Variants in CHL1 observed in about 807,000 individuals in gnomAD.
CHL1 encodes the protein neural cell adhesion molecule L1-like protein.
CHL1 carries 96 observed loss-of-function variants against 141.9 expected under a neutral mutation model. The observed-to-expected ratio is 0.68, with a 90% CI of 0.57 to 0.80. CHL1 has a LOEUF of 0.80. Among genes scored for constraint, CHL1 ranks in the 30% least tolerant of loss-of-function variants. The pLI is 0.00. For synonymous variants in CHL1, 613 were observed against 502.2 expected, an observed-to-expected ratio of 1.22 and a Z score of -2.95; for missense variants, 1,820 against 1,457.2, an observed-to-expected ratio of 1.25 and a Z score of -4.05.
intron 11 of CHL1, among the ~76,000 whole-genome samples, chr3:355,579 G>A (rs976587683): frequency 6.6e-6 from 1 of 152,190 alleles, no homozygotes. Context: ...TACGATAGTG[G>A]CTTCCATTTG....
intron 26 of CHL1, among the ~76,000 whole-genome samples, chr3:399,695 C>T (rs1488865726): frequency 6.6e-6 from 1 of 152,062 alleles, no homozygotes; most frequent in African/African-American, 2.4e-5. Context: ...CACTTCCAAG[C>T]TTCTATTGTC....
intron 1 of CHL1, among the ~76,000 whole-genome samples, chr3:205,029 A>G (rs1301125784): frequency 6.6e-6 from 1 of 152,052 alleles, no homozygotes; most frequent in Non-Finnish European, 1.5e-5. Flanking sequence ...CATCTTAGAT[A>G]TCCTAATTTG....
chr3:204,072 A>G (rs7619645), intron 1 of CHL1, among the ~76,000 whole-genome samples: 144,154 of 152,322 alleles, frequency 0.95, 68,558 homozygotes, highest in East Asian at 1. Flanking sequence ...CGAAGTGGGC[A>G]TGCTCATATT....
intron 15 of CHL1, among the ~76,000 whole-genome samples, chr3:368,384 T>C (rs918867776): frequency 3.3e-5 from 5 of 152,144 alleles, no homozygotes; most frequent in Admixed American, 2.6e-4. Context: ...TTGTTGGCCA[T>C]GTAAATGTCT....
intron 5 of CHL1, among the ~76,000 whole-genome samples, chr3:331,411 A>T (rs1284897470): frequency 1.3e-5 from 2 of 151,632 alleles, no homozygotes; most frequent in Non-Finnish European, 2.9e-5. Context: ...TTTTATTTTT[A>T]TTTTTATTTT....
intron 5 of CHL1, among the ~76,000 whole-genome samples, chr3:339,377 CT>C (rs1702186753): frequency 6.6e-6 from 1 of 152,180 alleles, no homozygotes; most frequent in Non-Finnish European, 1.5e-5. Flanking sequence ...ACTAAACATA[CT>C]TTCCCGACTT....
rs531627996 is a variant in CHL1 at position 366,186 on chromosome 3, C to G, written c.1751+71C>G. The stretch of plus-strand genomic sequence containing the variant: ...CAACTTGCATTTGATTTAAAAAGTT[C>G]TAGGTCGGGCATGCTGACTCACGCT... On this transcript the variant is annotated intron_variant, in intron 15 of 27. Coordinates refer to ENST00000256509, the MANE Select transcript of CHL1 (RefSeq NM_006614.4). 1.6e-5 allele frequency: 23 copies of G among 1,461,550 alleles called. No homozygotes were observed. The African/African-American group carries it at 3.0e-4, about 19-fold the overall frequency. The allele number at this position is 1,461,550 out of a possible 1,614,324, so 90.5% of individuals were successfully genotyped here.
At chr3:227,330 C>T (rs531590157) in intron 1 of CHL1, among the ~76,000 whole-genome samples, 6 of 152,150 alleles carry the variant, frequency 3.9e-5, no homozygotes, top group Non-Finnish European at 8.8e-5. Context: ...GTCTAGAATA[C>T]AAATACACCT....
chr3:401,227 A>G (rs1709100788), intron 26 of CHL1, among the ~76,000 whole-genome samples: 1 of 152,216 alleles, frequency 6.6e-6, no homozygotes, highest in Admixed American at 6.5e-5. Flanking sequence ...AATTCAATTT[A>G]GTTTAATGAC....
chr3:396,979 C>G (rs568936274), intron 24 of CHL1, among the ~76,000 whole-genome samples: 6 of 152,236 alleles, frequency 3.9e-5, no homozygotes, highest in African/African-American at 1.4e-4. Context: ...CTATATAGCT[C>G]ATTTCAAGGT....
chr3:382,734 TAA>T, intron 18 of CHL1, 63 bp downstream of exon 18: 3 of 1,230,494 alleles, frequency 2.4e-6, no homozygotes, highest in Non-Finnish European at 2.3e-6. Flanking sequence ...TTTGAACATC[TAA>T]AAAAAAAAGA....
At chr3:394,652 G>A (rs1436835069) in intron 23 of CHL1, 41 bp from the exon 24 acceptor site, 1 of 1,426,774 alleles carries the variant, frequency 7.0e-7, no homozygotes, top group Admixed American at 1.9e-5. Flanking sequence ...AACTTGAATG[G>A]TTAAATACAT....
chr3:401,309 T>C (rs1180671854), intron 26 of CHL1, among the ~76,000 whole-genome samples: 2 of 152,238 alleles, frequency 1.3e-5, no homozygotes, highest in Non-Finnish European at 2.9e-5. Context: ...TAATTTGGTC[T>C]TCACTGAGAA....
intron 1 of CHL1, among the ~76,000 whole-genome samples, chr3:232,019 C>T (rs139752668): frequency 1.2e-4 from 18 of 152,136 alleles, no homozygotes; most frequent in South Asian, 2.1e-4. Context: ...TCTGGATTTC[C>T]TTATATTTGA....
At chr3:378,692 G>T (rs1706657448) in intron 16 of CHL1, among the ~76,000 whole-genome samples, 2 of 152,106 alleles carry the variant, frequency 1.3e-5, no homozygotes. Flanking sequence ...TTGGAGTGTT[G>T]TACTGATTCT....
In CHL1 at chr3:319,786, C is replaced by G. The variant is rs1424364616; in HGVS notation, c.10C>G (p.Leu4Val). Reference sequence around the variant, plus strand: ...TTCTTCCTGAAGAGCAATGGAGCCGCTTTTACTTGGAAGAGGACTAATCGT... The same window carrying G: ...TTCTTCCTGAAGAGCAATGGAGCCGGTTTTACTTGGAAGAGGACTAATCGT... MEPLLLGRGLIVYL... is the reference protein window; with the variant it reads MEPVLLGRGLIVYL... Residue 4 changes from leucine to valine, a missense_variant, in exon 3 of 28, where the codon CTT becomes GTT. Transcript: ENST00000256509. 1 of 1,606,142 alleles carries G rather than the reference C, an allele frequency of 6.2e-7. No individual in the cohort carries two copies. Among genetic ancestry groups the G allele is most frequent in the South Asian group, 1.1e-5 (1 of 90,514 alleles).
At chr3:264,130 A>C (rs751282957) in intron 2 of CHL1, among the ~76,000 whole-genome samples, 2 of 152,204 alleles carry the variant, frequency 1.3e-5, no homozygotes, top group African/African-American at 2.4e-5. Context: ...TTAGTAGTTA[A>C]ATGAGTTGAA....
chr3:388,222 A>G (rs1707915153), intron 19 of CHL1, among the ~76,000 whole-genome samples: 1 of 152,258 alleles, frequency 6.6e-6, no homozygotes, highest in South Asian at 2.1e-4. Flanking sequence ...ATTAAAAACT[A>G]AAGTGGAAAT....
At chr3:325,917 T>C (rs1306023912) in intron 3 of CHL1, 42 bp from the exon 4 acceptor site, 1 of 1,351,102 alleles carries the variant, frequency 7.4e-7, no homozygotes. Flanking sequence ...CCTTGCCTGC[T>C]GTTTGAATAG....
Sources: allele counts gnomAD v4.1 joint callset (sites outside exome capture counted in the v4.1 genomes callset), GRCh38; gene constraint gnomAD v4.1.1; transcripts MANE v1.5; gene names NCBI Gene and HGNC (gene_info 2026-07-23, HGNC 2026-07-21).